Variants in MYO3B observed in about 807,000 individuals in gnomAD.
The protein encoded by MYO3B is myosin-IIIb.
In MYO3B, 156 loss-of-function variants were observed where a neutral mutation model predicts 174.6. The ratio of observed to expected loss-of-function variants is 0.89; its 90% CI spans 0.78 to 1.02. MYO3B has a LOEUF of 1.02. Ranked by LOEUF, MYO3B falls within the 50% of genes least tolerant of loss-of-function variation. The pLI is 0.00. For missense variants in MYO3B, 1,632 were observed against 1,639.4 expected, an observed-to-expected ratio of 1.00 and a Z score of 0.08; for synonymous variants, 563 against 569.1, an observed-to-expected ratio of 0.99 and a Z score of 0.15.
At chr2:170,495,321 A>G (rs1480924425) in intron 25 of MYO3B, among the ~76,000 whole-genome samples, 1 of 152,180 alleles carries the variant, frequency 6.6e-6, no homozygotes, top group Non-Finnish European at 1.5e-5. Flanking sequence ...CTAGAATCCA[A>G]AATTATTCCG....
At chr2:170,303,611 T>G (rs1051624018) in intron 7 of MYO3B, among the ~76,000 whole-genome samples, 2 of 152,124 alleles carry the variant, frequency 1.3e-5, no homozygotes, top group Non-Finnish European at 2.9e-5. Flanking sequence ...TATGTCACTT[T>G]ATTCTTTGAT....
intron 32 of MYO3B, among the ~76,000 whole-genome samples, chr2:170,563,160 C>CA (rs1691855488): frequency 6.7e-6 from 1 of 149,486 alleles, no homozygotes; most frequent in African/African-American, 2.5e-5. Flanking sequence ...ACACACACAC[C>CA]CCAAGAATCA....
At chr2:170,467,595 T>C (rs1427036472) in intron 25 of MYO3B, among the ~76,000 whole-genome samples, 13 of 152,044 alleles carry the variant, frequency 8.6e-5, no homozygotes, top group East Asian at 1.9e-4. Context: ...TTGAAATCCA[T>C]TGTATGCCTG....
intron 8 of MYO3B, 160 bp from the exon 9 acceptor site, chr2:170,369,062 C>T: frequency 8.0e-6 from 4 of 499,536 alleles, no homozygotes; most frequent in African/African-American, 1.9e-5. Flanking sequence ...TACTATTTTT[C>T]TGTTTTCTGG....
intron 25 of MYO3B, among the ~76,000 whole-genome samples, chr2:170,479,713 C>T (rs1468180621): frequency 2.1e-5 from 3 of 146,320 alleles, no homozygotes; most frequent in Admixed American, 1.4e-4. Flanking sequence ...ACATATATAA[C>T]ACCTATTATA....
At position 170,601,747 on chromosome 2, in the gene MYO3B, G is replaced by T. The variant is rs185982726; in HGVS notation, c.3734-49881G>T. On this transcript the variant is annotated intron_variant, in intron 32 of 34. Coordinates refer to ENST00000408978, the MANE Select transcript of MYO3B (RefSeq NM_138995.5). Reference sequence around the variant, plus strand: ...ATCAGGCTTTCCTTTAGCTCGATATGTAGCTGTATCCTTTTTGTATTTTTC... The same window carrying T: ...ATCAGGCTTTCCTTTAGCTCGATATTTAGCTGTATCCTTTTTGTATTTTTC... The T allele has an allele frequency of 2.2e-4, 317 of 1,470,352 alleles. No individual in the cohort carries two copies. In the African/African-American group the frequency reaches 4.1e-3, roughly 19 times the overall value. The allele number at this position is 1,470,352 out of a possible 1,614,324, so 91.1% of individuals were successfully genotyped here.
intron 23 of MYO3B, among the ~76,000 whole-genome samples, chr2:170,462,053 A>G (rs72878268): frequency 0.044 from 6,740 of 152,280 alleles, 197 homozygotes; most frequent in South Asian, 0.062. Context: ...GACAGCGGAG[A>G]GAGTATAACA....
rs542622756 is a variant in MYO3B, at chr2:170,551,323, A to G, written c.3733+7335A>G. 2.1e-4 allele frequency among the ~76,000 whole-genome samples: 23 copies of G among 108,502 alleles called. No individual in the cohort carries two copies. In the South Asian group the frequency reaches 6.6e-3, roughly 31 times the overall value. The allele number at this position is 108,502 out of a possible 152,430, so 71.2% of individuals were successfully genotyped here. ...AGCCCCACCAGATCTGAATGTTTTC[A>G]TATATATTTAATTTAATTTAATTTA... On this transcript the variant is annotated intron_variant, in intron 32 of 34. Coordinates refer to ENST00000408978, the MANE Select transcript of MYO3B (RefSeq NM_138995.5).
intron 25 of MYO3B, among the ~76,000 whole-genome samples, chr2:170,483,914 C>T (rs984126937): frequency 9.2e-5 from 14 of 152,106 alleles, no homozygotes; most frequent in Non-Finnish European, 8.8e-5. Flanking sequence ...ACATGGTGCT[C>T]TAGGAGAACA....
chr2:170,442,619 A>T (rs1310387099), intron 22 of MYO3B, among the ~76,000 whole-genome samples: 1 of 151,538 alleles, frequency 6.6e-6, no homozygotes, highest in East Asian at 1.9e-4. Context: ...CATCATTTAC[A>T]TTAGGTATAT....
intron 30 of MYO3B, 134 bp from the exon 31 acceptor site, chr2:170,542,772 A>G (rs970672666): frequency 1.4e-5 from 9 of 663,480 alleles, no homozygotes; most frequent in Non-Finnish European, 2.2e-5. Context: ...CCTTTTAACC[A>G]AGGACTGAAA....
intron 32 of MYO3B, among the ~76,000 whole-genome samples, chr2:170,552,977 C>T (rs529848868): frequency 1.1e-4 from 16 of 152,288 alleles, no homozygotes; most frequent in African/African-American, 3.6e-4. Flanking sequence ...GTGGCTTCCA[C>T]GTGGTGTTGG....
intron 22 of MYO3B, among the ~76,000 whole-genome samples, chr2:170,416,388 G>A (rs901793869): frequency 6.6e-6 from 1 of 151,986 alleles, no homozygotes; most frequent in Non-Finnish European, 1.5e-5. Context: ...GCCAGGCGTG[G>A]TGGTGCACGC....
chr2:170,517,225 A>G (rs1241827720), intron 29 of MYO3B, among the ~76,000 whole-genome samples: 1 of 152,236 alleles, frequency 6.6e-6, no homozygotes, highest in Non-Finnish European at 1.5e-5. Flanking sequence ...CTGGTTTTAT[A>G]CTTCAAATAA....
chr2:170,381,328 G>A (rs2094334031), intron 9 of MYO3B, among the ~76,000 whole-genome samples: 1 of 152,030 alleles, frequency 6.6e-6, no homozygotes, highest in African/African-American at 2.4e-5. Context: ...AAAAAAGTAA[G>A]CTTACAGTAT....
chr2:170,339,241 A>G (rs1270030781), intron 8 of MYO3B, among the ~76,000 whole-genome samples: 1 of 152,244 alleles, frequency 6.6e-6, no homozygotes, highest in African/African-American at 2.4e-5. Flanking sequence ...AATTATACAG[A>G]TAATTGCTTC....
At chr2:170,530,693 G>C (rs1689301576) in intron 30 of MYO3B, among the ~76,000 whole-genome samples, 1 of 152,210 alleles carries the variant, frequency 6.6e-6, no homozygotes, top group Non-Finnish European at 1.5e-5. Flanking sequence ...GAGCAAGGAT[G>C]TTATTCTCAG....
intron 22 of MYO3B, among the ~76,000 whole-genome samples, chr2:170,435,610 A>G (rs968149694): frequency 6.6e-6 from 1 of 152,168 alleles, no homozygotes; most frequent in Non-Finnish European, 1.5e-5. Context: ...GATATAACTT[A>G]ATCTTGTAAC....
chr2:170,627,544 C>T (rs920087106), intron 32 of MYO3B, among the ~76,000 whole-genome samples: 5 of 152,232 alleles, frequency 3.3e-5, no homozygotes, highest in Admixed American at 6.5e-5. Context: ...GCCTTCTTCT[C>T]TCAATTCGTC....
Sources: allele counts gnomAD v4.1 joint callset (sites outside exome capture counted in the v4.1 genomes callset), GRCh38; gene constraint gnomAD v4.1.1; transcripts MANE v1.5; gene names NCBI Gene and HGNC (gene_info 2026-07-23, HGNC 2026-07-21).